The following TRAPPC9 variants were observed in gnomAD, a reference collection of about 807,000 sequenced individuals.
The protein encoded by TRAPPC9 is trafficking protein particle complex subunit 9.
TRAPPC9 carries 83 observed loss-of-function variants against 124.0 expected under a neutral mutation model. The ratio of observed to expected loss-of-function variants is 0.67; its 90% CI spans 0.56 to 0.80. The LOEUF (loss-of-function observed/expected upper bound fraction) is 0.80, where lower values mean the gene tolerates loss of function less well. TRAPPC9 is among the 30% of genes least tolerant of loss of function. The pLI, the probability that TRAPPC9 is intolerant of heterozygous loss-of-function variation, is 0.00. For missense variants in TRAPPC9, 1,302 were observed against 1,508.3 expected (o/e 0.86, Z 2.27); for synonymous variants, 638 against 617.5 (o/e 1.03, Z -0.49).
At chr8:139,988,331 T>G (rs527707911) in intron 19 of TRAPPC9, among the ~76,000 whole-genome samples, 1 of 152,018 alleles carries the variant, frequency 6.6e-6, no homozygotes, top group African/African-American at 2.4e-5. Flanking sequence ...CAGGCTGGTC[T>G]TGAACTCCTG....
chr8:140,002,458 T>G (rs1389727112), intron 18 of TRAPPC9, among the ~76,000 whole-genome samples: 2 of 151,962 alleles, frequency 1.3e-5, no homozygotes, highest in Non-Finnish European at 2.9e-5. Flanking sequence ...ATGTAGACAA[T>G]CTTATCTGAA....
chr8:140,024,907 C>G (rs1391767463), intron 17 of TRAPPC9, among the ~76,000 whole-genome samples: 1 of 152,214 alleles, frequency 6.6e-6, no homozygotes, highest in Non-Finnish European at 1.5e-5. Context: ...ACTCCACACT[C>G]AGGATGCTTC....
At chr8:140,113,338 C>T (rs1217067085) in intron 17 of TRAPPC9, among the ~76,000 whole-genome samples, 1 of 152,244 alleles carries the variant, frequency 6.6e-6, no homozygotes. Context: ...ACGGTATTTC[C>T]AGCAGGACCA....
At chr8:139,921,364 A>G (rs1262057091) in intron 19 of TRAPPC9, among the ~76,000 whole-genome samples, 3 of 152,202 alleles carry the variant, frequency 2.0e-5, no homozygotes, top group Non-Finnish European at 2.9e-5. Context: ...AACTCAGTGC[A>G]TGGGGACATA....
intron 17 of TRAPPC9, among the ~76,000 whole-genome samples, chr8:140,108,175 C>T (rs906451307): frequency 3.3e-5 from 5 of 152,128 alleles, no homozygotes; most frequent in Non-Finnish European, 7.4e-5. Context: ...AATAAGGAGA[C>T]TGAGTCCTAG....
At chr8:139,995,449 C>G (rs1347087685) in intron 18 of TRAPPC9, among the ~76,000 whole-genome samples, 1 of 152,120 alleles carries the variant, frequency 6.6e-6, no homozygotes, top group African/African-American at 2.4e-5. Flanking sequence ...CTCCCTGATA[C>G]AAACCACCTC....
intron 7 of TRAPPC9, among the ~76,000 whole-genome samples, chr8:140,393,269 T>A (rs538075529): frequency 6.6e-6 from 1 of 152,138 alleles, no homozygotes; most frequent in African/African-American, 2.4e-5. Flanking sequence ...GGAAACAGGC[T>A]AATGAGGTTA....
rs980564406 is a variant in TRAPPC9, at chr8:140,104,094, G to T, written c.2557-80015C>A. Among the ~76,000 whole-genome samples, 1 of 152,102 alleles carries T rather than the reference G, an allele frequency of 6.6e-6. No individual in the cohort carries two copies. Among genetic ancestry groups the T allele is most frequent in the Non-Finnish European group, 1.5e-5 (1 of 68,030 alleles). The stretch of plus-strand genomic sequence containing the variant: ...CAGCAGTTACTTAGCACTTATCCTG[G>T]GTACCAAGCATTGTACCATATGCCA... On this transcript the variant is annotated intron_variant, in intron 17 of 22. Transcript: ENST00000438773. The surrounding 1 kb of genome is among the most constrained non-coding windows in gnomAD (Gnocchi z 4.0).
intron 17 of TRAPPC9, among the ~76,000 whole-genome samples, chr8:140,142,222 C>T (rs1256967888): frequency 6.6e-6 from 1 of 152,256 alleles, no homozygotes; most frequent in Non-Finnish European, 1.5e-5. Context: ...CACGGCATCT[C>T]GTGCACACAT....
chr8:140,161,412 C>CA (rs1165933222), intron 17 of TRAPPC9, among the ~76,000 whole-genome samples: 1 of 49,772 alleles, frequency 2.0e-5, no homozygotes, highest in African/African-American at 8.2e-5. Flanking sequence ...GAAACATCTC[C>CA]AATTTTTTTT....
intron 17 of TRAPPC9, among the ~76,000 whole-genome samples, chr8:140,186,964 T>C (rs2062366787): frequency 6.6e-6 from 1 of 152,334 alleles, no homozygotes; most frequent in East Asian, 1.9e-4. Flanking sequence ...TTTATTCCAG[T>C]GGGAGTGAGC....
At chr8:140,446,774 C>T (rs1190446584) in intron 2 of TRAPPC9, among the ~76,000 whole-genome samples, 4 of 152,012 alleles carry the variant, frequency 2.6e-5, no homozygotes, top group Admixed American at 1.3e-4. Context: ...TCAGGTGATC[C>T]ACCCACCTCC....
At chr8:140,292,560 G>A (rs1195579629) in intron 11 of TRAPPC9, among the ~76,000 whole-genome samples, 1 of 152,194 alleles carries the variant, frequency 6.6e-6, no homozygotes, top group African/African-American at 2.4e-5. Context: ...CAGAGATGAG[G>A]ACTGACTCCA....
At chr8:140,446,830 C>A (rs971459747) in intron 2 of TRAPPC9, among the ~76,000 whole-genome samples, 2 of 151,882 alleles carry the variant, frequency 1.3e-5, no homozygotes, top group Non-Finnish European at 2.9e-5. Context: ...CCGCACCCAG[C>A]CTGGTGTGGG....
chr8:139,897,011 A>C (rs76255027), intron 20 of TRAPPC9, among the ~76,000 whole-genome samples: 2,834 of 152,282 alleles, frequency 0.019, 76 homozygotes, highest in African/African-American at 0.064. Context: ...CCCAGGCTTC[A>C]CAGAAGTCCC....
At chr8:139,894,338 A>G (rs530876967) in intron 20 of TRAPPC9, among the ~76,000 whole-genome samples, 2 of 152,224 alleles carry the variant, frequency 1.3e-5, no homozygotes, top group Non-Finnish European at 2.9e-5. Context: ...CAACGAGACC[A>G]CTGGTCACCG....
intron 13 of TRAPPC9, among the ~76,000 whole-genome samples, 157 bp downstream of exon 13, chr8:140,287,442 CACCCCACGA>C (rs1407892324): frequency 1.3e-5 from 2 of 152,122 alleles, no homozygotes; most frequent in Non-Finnish European, 2.9e-5. Flanking sequence ...ACACATCCCG[CACCCCACGA>C]ACAGGTTTTT....
At chr8:139,897,060 G>A (rs1036955546) in intron 20 of TRAPPC9, among the ~76,000 whole-genome samples, 7 of 152,112 alleles carry the variant, frequency 4.6e-5, no homozygotes, top group African/African-American at 1.4e-4. Context: ...ACATCCCTGC[G>A]TGCCTGAGCC....
chr8:140,046,886 C>T (rs970865587), intron 17 of TRAPPC9, among the ~76,000 whole-genome samples: 31 of 152,252 alleles, frequency 2.0e-4, no homozygotes, highest in African/African-American at 7.2e-4. Context: ...CTCTCTGGAA[C>T]TCAACTTTTC....
Sources: allele counts gnomAD v4.1 joint callset (sites outside exome capture counted in the v4.1 genomes callset), GRCh38; gene constraint gnomAD v4.1.1; non-coding constraint Gnocchi (gnomAD v3.1); transcripts MANE v1.5; gene names NCBI Gene and HGNC (gene_info 2026-07-23, HGNC 2026-07-21).